DTD1: variants seen among roughly 807,000 people sequenced by gnomAD.
DTD1 encodes D-tyrosyl-tRNA deacylase 1 homolog.
A neutral mutation model predicts 25.6 loss-of-function variants in DTD1; 13 were observed. The ratio of observed to expected loss-of-function variants is 0.51; its 90% CI spans 0.33 to 0.81. The LOEUF (loss-of-function observed/expected upper bound fraction) is 0.81. Among genes scored for constraint, DTD1 ranks in the 30% least tolerant of loss-of-function variants. DTD1 has a pLI of 0.02. For missense variants in DTD1, 193 were observed against 266.4 expected (o/e 0.72, Z 1.92); for synonymous variants, 110 against 103.6 (o/e 1.06, Z -0.37).
chr20:18,706,174 A>G lies in DTD1; in HGVS notation c.478-37926A>G, dbSNP rs543018971. The stretch of plus-strand genomic sequence containing the variant: ...CAGAGTGGGGAATCCTGGGGTCATT[A>G]CTGACCAGATAGCTTGCAACCCTTT... On this transcript the variant is annotated intron_variant, in intron 4 of 5. Coordinates refer to ENST00000377452, the MANE Select transcript of DTD1 (RefSeq NM_080820.6). 1.8e-3 allele frequency among the ~76,000 whole-genome samples: 272 copies of G among 152,324 alleles called. 1 individual carries two copies. Among genetic ancestry groups the G allele is most frequent in the African/African-American group, 6.0e-3 (251 of 41,570 alleles).
intron 4 of DTD1, among the ~76,000 whole-genome samples, chr20:18,629,023 T>G (rs2060771619): frequency 7.3e-6 from 1 of 136,376 alleles, no homozygotes; most frequent in African/African-American, 2.8e-5. Context: ...TGAGATGGAG[T>G]CTCGCTCTTG....
At position 18,617,739 on chromosome 20, in the gene DTD1, G is replaced by GCCCCCC. The variant is rs576814304; in HGVS notation, c.371-10388_371-10387insCCCCCC. On this transcript the variant is annotated intron_variant, in intron 3 of 5. Transcript: ENST00000377452. The stretch of plus-strand genomic sequence containing the variant: ...TATCCATCTATCCATTTGCAAATGT[G>GCCCCCC]AGCAAATATGAATTTTAAAAATATT... Among the ~76,000 whole-genome samples the GCCCCCC allele has an allele frequency of 6.8e-3, 1,033 of 152,090 alleles. 9 individuals carry two copies. The highest frequency in any genetic ancestry group is 0.031 in the Middle Eastern group (9 of 292).
chr20:18,693,391 T>C (rs1221267823), intron 4 of DTD1, among the ~76,000 whole-genome samples: 2 of 152,032 alleles, frequency 1.3e-5, no homozygotes, highest in Non-Finnish European at 2.9e-5. Flanking sequence ...GTGCGGTGGC[T>C]CATGCCTGTA....
intron 1 of DTD1, among the ~76,000 whole-genome samples, chr20:18,590,121 TTTTA>T (rs1329283316): frequency 6.6e-6 from 1 of 152,216 alleles, no homozygotes; most frequent in Non-Finnish European, 1.5e-5. Context: ...GAGTCACACA[TTTTA>T]TTTTATTTTA....
chr20:18,709,631 A>T (rs1225464709), intron 4 of DTD1, among the ~76,000 whole-genome samples: 1 of 152,162 alleles, frequency 6.6e-6, no homozygotes, highest in Non-Finnish European at 1.5e-5. Flanking sequence ...CAGAATACCT[A>T]GGCTGATTGG....
At chr20:18,607,914 A>C (rs1405403959) in intron 3 of DTD1, among the ~76,000 whole-genome samples, 1 of 152,024 alleles carries the variant, frequency 6.6e-6, no homozygotes, top group Non-Finnish European at 1.5e-5. Flanking sequence ...GGGTTTCACC[A>C]TGTTGGCTGG....
chr20:18,715,814 C>T (rs1568679710), intron 4 of DTD1, among the ~76,000 whole-genome samples: 1 of 152,150 alleles, frequency 6.6e-6, no homozygotes, highest in Non-Finnish European at 1.5e-5. Context: ...GCTTCACATT[C>T]TGGGCAAACA....
intron 4 of DTD1, among the ~76,000 whole-genome samples, chr20:18,731,023 G>A (rs1297039739): frequency 2.0e-5 from 3 of 152,062 alleles, no homozygotes; most frequent in African/African-American, 7.2e-5. Context: ...GTGTCTTAGC[G>A]TCCTGCCTGT....
chr20:18,634,222 G>A (rs2060799100), intron 4 of DTD1, among the ~76,000 whole-genome samples: 1 of 152,174 alleles, frequency 6.6e-6, no homozygotes, highest in Non-Finnish European at 1.5e-5. Context: ...GCTTATTCTT[G>A]TCTTGTTTTA....
intron 4 of DTD1, among the ~76,000 whole-genome samples, chr20:18,638,014 G>A (rs1393965325): frequency 6.6e-6 from 1 of 152,162 alleles, no homozygotes; most frequent in Non-Finnish European, 1.5e-5. Context: ...GCCCATCCAG[G>A]CGAGGCCTTT....
At chr20:18,733,787 A>G (rs113706988) in intron 4 of DTD1, among the ~76,000 whole-genome samples, 2 of 152,352 alleles carry the variant, frequency 1.3e-5, no homozygotes, top group African/African-American at 4.8e-5. Flanking sequence ...AAAATTCTAC[A>G]AAAACCTCAA....
chr20:18,713,540 G>T (rs940271491), intron 4 of DTD1, among the ~76,000 whole-genome samples: 2 of 152,174 alleles, frequency 1.3e-5, no homozygotes, highest in Non-Finnish European at 2.9e-5. Context: ...AGAGACTGGA[G>T]CAGGTCCCTG....
At chr20:18,669,724 G>A (rs772127351) in intron 4 of DTD1, among the ~76,000 whole-genome samples, 7 of 152,140 alleles carry the variant, frequency 4.6e-5, no homozygotes, top group Non-Finnish European at 8.8e-5. Flanking sequence ...TGAACTTGAG[G>A]CCTTATCACT....
At chr20:18,706,543 A>G (rs921389546) in intron 4 of DTD1, among the ~76,000 whole-genome samples, 6 of 152,154 alleles carry the variant, frequency 3.9e-5, no homozygotes, top group African/African-American at 1.4e-4. Context: ...TTGAATTTGG[A>G]AGAGAAAAAG....
intron 4 of DTD1, among the ~76,000 whole-genome samples, chr20:18,648,703 T>C (rs1376192507): frequency 2.0e-5 from 3 of 152,172 alleles, no homozygotes; most frequent in Non-Finnish European, 4.4e-5. Flanking sequence ...ATTTAGATTA[T>C]TGGCGTGAAT....
intron 4 of DTD1, among the ~76,000 whole-genome samples, chr20:18,719,537 G>A (rs1248437633): frequency 2.0e-5 from 3 of 152,218 alleles, no homozygotes; most frequent in Non-Finnish European, 4.4e-5. Flanking sequence ...GTGATTTTGA[G>A]GACCCAAGTT....
At chr20:18,714,738 A>G (rs2061173518) in intron 4 of DTD1, among the ~76,000 whole-genome samples, 1 of 152,156 alleles carries the variant, frequency 6.6e-6, no homozygotes, top group Non-Finnish European at 1.5e-5. Context: ...AGGTAAGAAG[A>G]TTAGTTTTGA....
intron 4 of DTD1, among the ~76,000 whole-genome samples, chr20:18,684,590 A>G (rs976976798): frequency 5.9e-5 from 9 of 152,118 alleles, no homozygotes; most frequent in African/African-American, 2.2e-4. Flanking sequence ...CCTAGCCCCA[A>G]ATTACCATTT....
intron 5 of DTD1, among the ~76,000 whole-genome samples, chr20:18,760,851 G>A (rs1208074170): frequency 6.6e-6 from 1 of 152,224 alleles, no homozygotes; most frequent in Non-Finnish European, 1.5e-5. Context: ...TACAGAGGCA[G>A]GCAGGCCTCC....
Sources: gnomAD v4.1 joint callset for allele counts (sites outside exome capture counted in the v4.1 genomes callset) on GRCh38, gnomAD v4.1.1 for gene constraint, MANE v1.5 for transcripts, NCBI Gene and HGNC (gene_info 2026-07-23, HGNC 2026-07-21) for gene names.